ARHGAP28: variants seen among roughly 807,000 people sequenced by gnomAD.
ARHGAP28 encodes rho GTPase-activating protein 28.
A neutral mutation model predicts 90.7 loss-of-function variants in ARHGAP28; 56 were observed. The observed-to-expected ratio is 0.62, with a 90% CI of 0.50 to 0.77. The LOEUF (loss-of-function observed/expected upper bound fraction) is 0.77. Ranked by LOEUF, ARHGAP28 falls within the 30% of genes least tolerant of loss-of-function variation. ARHGAP28 has a pLI of 0.00. For missense variants in ARHGAP28, 869 were observed against 900.9 expected, an observed-to-expected ratio of 0.96 and a Z score of 0.45; for synonymous variants, 308 against 323.3, an observed-to-expected ratio of 0.95 and a Z score of 0.51.
chr18:6,913,825 T>A lies in ARHGAP28; in HGVS notation c.*1671T>A, dbSNP rs2057411178. 1 of 152,142 alleles carries A rather than the reference T, an allele frequency of 6.6e-6. No individual in the cohort carries two copies. Among genetic ancestry groups the A allele is most frequent in the Admixed American group, 6.5e-5 (1 of 15,272 alleles). 9.4% of individuals were successfully genotyped at this position (152,142 alleles called of 1,614,324 possible). Reference sequence around the variant, plus strand: ...CTACATTTTATTCATTTTTAATGTATGGGTAATTGGTGGCACATGACTTTA... The same window carrying A: ...CTACATTTTATTCATTTTTAATGTAAGGGTAATTGGTGGCACATGACTTTA... On this transcript the variant is annotated 3_prime_UTR_variant, in exon 18 of 18. Coordinates refer to ENST00000383472, the MANE Select transcript of ARHGAP28 (RefSeq NM_001366230.1).
intron 3 of ARHGAP28, among the ~76,000 whole-genome samples, chr18:6,841,187 CTCTCTCTCTCTCTCTCCTCTCCT>C (rs2056816830): frequency 1.7e-5 from 1 of 57,908 alleles, no homozygotes; most frequent in Non-Finnish European, 3.3e-5. Flanking sequence ...TCTCCTCTCT[CTCTCTCTCTCTCTCTCCTCTCCT>C]CTCTCTCTCT....
At chr18:6,896,430 C>A in intron 15 of ARHGAP28, 72 bp from the exon 16 acceptor site, 7 of 1,554,798 alleles carry the variant, frequency 4.5e-6, no homozygotes, top group Non-Finnish European at 6.2e-6. Context: ...ATTTTCATAT[C>A]TCTTAAGTGC....
At chr18:6,835,765 T>C (rs1046301482) in intron 2 of ARHGAP28, among the ~76,000 whole-genome samples, 12 of 152,290 alleles carry the variant, frequency 7.9e-5, no homozygotes, top group Non-Finnish European at 1.6e-4. Flanking sequence ...AAAAAAGAGA[T>C]TAACATTCAG....
intron 4 of ARHGAP28, among the ~76,000 whole-genome samples, chr18:6,858,502 G>A (rs1425890225): frequency 6.6e-6 from 1 of 151,694 alleles, no homozygotes; most frequent in South Asian, 2.1e-4. Flanking sequence ...TATTTGGGTG[G>A]CAGGGGAGGT....
chr18:6,760,904 A>G (rs1450142793), intron 1 of ARHGAP28, among the ~76,000 whole-genome samples: 1 of 152,238 alleles, frequency 6.6e-6, no homozygotes, highest in East Asian at 1.9e-4. Flanking sequence ...GGTGTAATTC[A>G]GAATACAAAT....
rs559295874 is a variant in ARHGAP28, at chr18:6,815,954, A to G, written c.123-8808A>G. Reference sequence around the variant, plus strand: ...TCCAACCCTCCATATTCCCTGCTGCATAAGTAAAGATTTGTTTGCTGTTTT... The same window carrying G: ...TCCAACCCTCCATATTCCCTGCTGCGTAAGTAAAGATTTGTTTGCTGTTTT... On this transcript the variant is annotated intron_variant, in intron 1 of 17. Transcript: ENST00000383472. Among the ~76,000 whole-genome samples, 9 of 151,832 alleles carry G rather than the reference A, an allele frequency of 5.9e-5. No homozygotes were observed. The South Asian group carries it at 8.3e-4, about 14-fold the overall frequency.
chr18:6,846,027 T>C (rs2056863372), intron 3 of ARHGAP28, among the ~76,000 whole-genome samples: 1 of 152,204 alleles, frequency 6.6e-6, no homozygotes, highest in South Asian at 2.1e-4. Context: ...ATGCATGATC[T>C]ATACCATGTG....
chr18:6,846,395 A>C (rs1270908294), intron 3 of ARHGAP28, among the ~76,000 whole-genome samples: 1 of 152,096 alleles, frequency 6.6e-6, no homozygotes, highest in East Asian at 1.9e-4. Flanking sequence ...GTCTCTCCTA[A>C]GAGTCTGCTG....
chr18:6,763,258 T>C (rs2056176091), intron 1 of ARHGAP28, among the ~76,000 whole-genome samples: 1 of 152,030 alleles, frequency 6.6e-6, no homozygotes, highest in Admixed American at 6.6e-5. Flanking sequence ...AATTTTGGTA[T>C]TTTTAGTAAA....
At chr18:6,910,202 C>T (rs1183763763) in intron 17 of ARHGAP28, among the ~76,000 whole-genome samples, 1 of 152,214 alleles carries the variant, frequency 6.6e-6, no homozygotes, top group Non-Finnish European at 1.5e-5. Context: ...CTTCACCTGA[C>T]TTCAAGGATG....
chr18:6,818,302 GCAGTTACA>G (rs1174561739), intron 1 of ARHGAP28, among the ~76,000 whole-genome samples: 3 of 152,144 alleles, frequency 2.0e-5, no homozygotes, highest in Admixed American at 6.5e-5. Flanking sequence ...ACAGCTATAA[GCAGTTACA>G]CAAATACCTG....
chr18:6,761,071 T>C (rs1224068432), intron 1 of ARHGAP28, among the ~76,000 whole-genome samples: 1 of 152,062 alleles, frequency 6.6e-6, no homozygotes, highest in Non-Finnish European at 1.5e-5. Flanking sequence ...ACAGCATATA[T>C]ATTATACGAT....
intron 1 of ARHGAP28, among the ~76,000 whole-genome samples, chr18:6,783,357 A>G (rs1053693398): frequency 4.7e-5 from 7 of 150,472 alleles, no homozygotes; most frequent in African/African-American, 7.3e-5. Context: ...GCTGGAGTGC[A>G]ATGGCGCGAT....
At chr18:6,796,893 A>T (rs1256662057) in intron 1 of ARHGAP28, among the ~76,000 whole-genome samples, 1 of 152,104 alleles carries the variant, frequency 6.6e-6, no homozygotes, top group African/African-American at 2.4e-5. Context: ...ATGATTCTTA[A>T]ATTAAGAAAT....
At chr18:6,782,177 G>A (rs956343169) in intron 1 of ARHGAP28, among the ~76,000 whole-genome samples, 18 of 152,108 alleles carry the variant, frequency 1.2e-4, no homozygotes, top group African/African-American at 4.3e-4. Context: ...AACTGATGAG[G>A]AGCAGAGCAT....
intron 1 of ARHGAP28, among the ~76,000 whole-genome samples, chr18:6,795,768 G>A (rs1251570923): frequency 6.6e-6 from 1 of 152,200 alleles, no homozygotes; most frequent in Non-Finnish European, 1.5e-5. Context: ...GGCAAGCTGG[G>A]TGTAGCCCCT....
chr18:6,759,412 T>A (rs1358761277), intron 1 of ARHGAP28, among the ~76,000 whole-genome samples: 1 of 152,252 alleles, frequency 6.6e-6, no homozygotes. Flanking sequence ...TTCTGTAGCA[T>A]GTAAAGTTAC....
chr18:6,888,591 CTG>C (rs2057240018), intron 12 of ARHGAP28, among the ~76,000 whole-genome samples: 2 of 152,082 alleles, frequency 1.3e-5, no homozygotes, highest in East Asian at 1.9e-4. Context: ...TTTTCAAAAA[CTG>C]AAAATTTATT....
intron 1 of ARHGAP28, among the ~76,000 whole-genome samples, chr18:6,762,225 T>C (rs1350168289): frequency 2.6e-5 from 4 of 152,184 alleles, no homozygotes; most frequent in Non-Finnish European, 5.9e-5. Flanking sequence ...TTTCTTATAA[T>C]GCAGACAGTG....
Sources: gnomAD v4.1 joint callset for allele counts (sites outside exome capture counted in the v4.1 genomes callset) on GRCh38, gnomAD v4.1.1 for gene constraint, MANE v1.5 for transcripts, NCBI Gene and HGNC (gene_info 2026-07-23, HGNC 2026-07-21) for gene names.